Variants in ARSG observed in about 807,000 individuals in gnomAD.
ARSG encodes the protein ASG.
ARSG carries 37 observed loss-of-function variants against 50.5 expected under a neutral mutation model. The observed-to-expected ratio is 0.73, with a 90% CI of 0.56 to 0.96. ARSG has a LOEUF of 0.96. Ranked by LOEUF, ARSG falls within the 50% of genes least tolerant of loss-of-function variation. ARSG has a pLI of 0.00. For missense variants in ARSG, 629 were observed against 675.3 expected, an observed-to-expected ratio of 0.93 and a Z score of 0.76; for synonymous variants, 225 against 254.6, an observed-to-expected ratio of 0.88 and a Z score of 1.11.
At chr17:68,423,340 C>T (rs2082934588), downstream of ARSG, among the ~76,000 whole-genome samples, 1 of 152,200 alleles carries the variant, frequency 6.6e-6, no homozygotes, top group South Asian at 2.1e-4. This position sits in a 1 kb window ranked among gnomAD's most constrained non-coding sequence, Gnocchi z 4.4. Flanking sequence ...ATGCATGCCT[C>T]TGGTCCTTAC....
At chr17:68,443,601 G>T in the ARSG span, among the ~76,000 whole-genome samples, 1 of 152,150 alleles carries the variant, frequency 6.6e-6, no homozygotes, top group East Asian at 1.9e-4. Flanking sequence ...CTGGGAGATG[G>T]GTATTATTCA....
At chr17:68,421,904 G>A (rs545550619), downstream of ARSG, 6 of 1,558,238 alleles carry the variant, frequency 3.9e-6, no homozygotes. Context: ...CTGTGCCCAT[G>A]CAGAGTGAGC....
intron 1 of ARSG, among the ~76,000 whole-genome samples, chr17:68,261,443 G>T: frequency 6.6e-6 from 1 of 152,092 alleles, no homozygotes; most frequent in South Asian, 2.1e-4. Context: ...GCAGTGGTGT[G>T]ATCTTGGCTC....
intron 3 of ARSG, among the ~76,000 whole-genome samples, chr17:68,344,957 AC>A (rs1419171139): frequency 7.9e-5 from 12 of 152,090 alleles, no homozygotes; most frequent in Admixed American, 3.3e-4. Flanking sequence ...ATATCCTTTT[AC>A]GGAAGCTCAA....
At position 68,392,909 on chromosome 17, in the gene ARSG, G is replaced by A. The variant is rs141624456; in HGVS notation, c.1092-2164G>A. Reference sequence around the variant, plus strand: ...TAGATCTTTTATAACACAGAGACCCGCCTAATGGAAAAGGCAGTGAATATT... The same window carrying A: ...TAGATCTTTTATAACACAGAGACCCACCTAATGGAAAAGGCAGTGAATATT... On this transcript the variant is annotated intron_variant, in intron 9 of 11. Coordinates refer to ENST00000621439, the MANE Select transcript of ARSG (RefSeq NM_001267727.2). Among the ~76,000 whole-genome samples the A allele has an allele frequency of 1.8e-4, 28 of 152,314 alleles. No homozygotes were observed. The East Asian group carries it at 3.9e-3, about 21-fold the overall frequency.
chr17:68,417,474 G>T (rs971519617), intron 11 of ARSG, among the ~76,000 whole-genome samples: 1 of 152,046 alleles, frequency 6.6e-6, no homozygotes, highest in Non-Finnish European at 1.5e-5. Flanking sequence ...GTGCCGCGGT[G>T]GGGGGTGGCG....
rs536459923 is a variant in ARSG, at chr17:68,395,157, C to T, written c.1176C>T (p.Ser392=). The T allele has an allele frequency of 2.0e-5, 33 of 1,614,112 alleles. No individual in the cohort carries two copies. Among genetic ancestry groups the T allele is most frequent in the Non-Finnish European group, 2.4e-5 (28 of 1,179,980 alleles). ...GGCGCTTTGATGGTGTGGACGTCTC[C>T]GAGGTGCTCTTTGGCCGGTCACAGC... ...QGRRFDGVDV[S]EVLFGRSQPG... is the part of the protein sequence containing the mutation. Residue 392 remains serine, a synonymous_variant, in exon 10 of 12, where the codon TCC becomes TCT. Transcript: ENST00000621439.
At chr17:68,289,242 G>A (rs1599572972), upstream of ARSG, among the ~76,000 whole-genome samples, 1 of 152,126 alleles carries the variant, frequency 6.6e-6, no homozygotes, top group Admixed American at 6.6e-5. Context: ...AGGCTGCAAT[G>A]AGCAGAGATG....
intron 11 of ARSG, among the ~76,000 whole-genome samples, chr17:68,402,718 G>C (rs1352268453): frequency 1.3e-5 from 2 of 150,656 alleles, no homozygotes; most frequent in African/African-American, 4.9e-5. Flanking sequence ...GTAGAGACAG[G>C]GTTTCACCGT....
At chr17:68,310,337 T>A (rs1196161382) in intron 2 of ARSG, among the ~76,000 whole-genome samples, 1 of 152,172 alleles carries the variant, frequency 6.6e-6, no homozygotes, top group Non-Finnish European at 1.5e-5. Context: ...AGATGGCCTT[T>A]GAAGAGCAAA....
Position 68,368,788 on chromosome 17 carries a change from C to A in ARSG, c.901+44C>A, listed in dbSNP as rs545640632. ...GCCAGCCTAACTGCCATTTAATAGACAACCTTGCACATTACCTGTGAAGAG... is the reference window on the plus strand; with the variant it reads ...GCCAGCCTAACTGCCATTTAATAGAAAACCTTGCACATTACCTGTGAAGAG... On this transcript the variant is annotated intron_variant, in intron 7 of 11. Transcript: ENST00000621439. The A allele has an allele frequency of 6.3e-6, 10 of 1,584,996 alleles. No homozygotes were observed. The African/African-American group carries it at 1.2e-4, about 19-fold the overall frequency.
chr17:68,278,285 G>A, intron 1 of ARSG: 2 of 1,613,944 alleles, frequency 1.2e-6, no homozygotes, highest in Non-Finnish European at 1.7e-6. Flanking sequence ...TATACACATT[G>A]GCTTTGGAAC....
intron 2 of ARSG, among the ~76,000 whole-genome samples, chr17:68,315,003 A>G (rs1252270625): frequency 6.6e-6 from 1 of 152,194 alleles, no homozygotes; most frequent in East Asian, 1.9e-4. Context: ...ACCCTTACCA[A>G]GCTCTTGCAA....
intron 1 of ARSG, among the ~76,000 whole-genome samples, chr17:68,303,573 C>T (rs1782857116): frequency 6.6e-6 from 1 of 152,194 alleles, no homozygotes; most frequent in Non-Finnish European, 1.5e-5. Context: ...CTCAGCCTCC[C>T]AAGCAGCTGG....
intron 1 of ARSG, among the ~76,000 whole-genome samples, chr17:68,285,843 C>T (rs950283657): frequency 6.6e-6 from 1 of 152,032 alleles, no homozygotes; most frequent in Non-Finnish European, 1.5e-5. Flanking sequence ...TCACTGCCAC[C>T]TCCATCCCCC....
chr17:68,365,641 C>T (rs1226346978), intron 6 of ARSG, among the ~76,000 whole-genome samples: 1 of 152,190 alleles, frequency 6.6e-6, no homozygotes, highest in Admixed American at 6.5e-5. Flanking sequence ...AGCAGGACCA[C>T]CCCTCGCCCA....
chr17:68,398,010 G>T (rs1454449408), intron 10 of ARSG, among the ~76,000 whole-genome samples: 1 of 152,156 alleles, frequency 6.6e-6, no homozygotes. Context: ...CAGGAGATCT[G>T]CCTGCCTCGG....
intron 1 of ARSG, among the ~76,000 whole-genome samples, chr17:68,296,781 C>G (rs1243555530): frequency 2.6e-5 from 4 of 152,210 alleles, no homozygotes; most frequent in African/African-American, 9.7e-5. Flanking sequence ...GGTTCCTTCT[C>G]TCATAGTGTG....
At chr17:68,300,970 T>C (rs2076392969) in intron 1 of ARSG, among the ~76,000 whole-genome samples, 1 of 151,716 alleles carries the variant, frequency 6.6e-6, no homozygotes, top group African/African-American at 2.4e-5. Context: ...TACAAAAAAT[T>C]AGCCGGGCGT....
Sources: gnomAD v4.1 joint callset for allele counts (sites outside exome capture counted in the v4.1 genomes callset) on GRCh38, gnomAD v4.1.1 for gene constraint, Gnocchi (gnomAD v3.1) non-coding constraint, MANE v1.5 for transcripts, NCBI Gene and HGNC (gene_info 2026-07-23, HGNC 2026-07-21) for gene names.